Variants in SLIT3 observed in about 807,000 individuals in gnomAD.
The protein encoded by SLIT3 is slit guidance ligand 3.
Under a neutral mutation model 184.0 loss-of-function variants are expected in SLIT3, and 68 were observed. The ratio of observed to expected loss-of-function variants is 0.37; its 90% CI spans 0.30 to 0.45. The LOEUF (loss-of-function observed/expected upper bound fraction) is 0.45. Among genes scored for constraint, SLIT3 ranks in the 20% least tolerant of loss-of-function variants. SLIT3 has a pLI of 1.00. For synonymous variants in SLIT3, 831 were observed against 828.6 expected (o/e 1.00, Z -0.05); for missense variants, 1,707 against 2,026.0 (o/e 0.84, Z 3.02).
At chr5:168,751,683 G>A (rs1465412435) in intron 18 of SLIT3, among the ~76,000 whole-genome samples, 1 of 151,688 alleles carries the variant, frequency 6.6e-6, no homozygotes, top group African/African-American at 2.4e-5. Flanking sequence ...AGAAAGCTGG[G>A]TTCTAATTCT....
chr5:168,901,775 C>T (rs984926375), intron 4 of SLIT3, among the ~76,000 whole-genome samples: 1 of 152,156 alleles, frequency 6.6e-6, no homozygotes, highest in Admixed American at 6.5e-5. Flanking sequence ...GAGGGCAGGG[C>T]GTGAGGGAAG....
chr5:169,148,125 C>T (rs931435817), intron 4 of SLIT3, among the ~76,000 whole-genome samples: 2 of 152,190 alleles, frequency 1.3e-5, no homozygotes, highest in African/African-American at 4.8e-5. Flanking sequence ...CATGCAGCTC[C>T]AAGTCCTTCC....
chr5:169,066,947 A>G (rs1350947136), intron 4 of SLIT3, among the ~76,000 whole-genome samples: 1 of 150,614 alleles, frequency 6.6e-6, no homozygotes, highest in African/African-American at 2.4e-5. Flanking sequence ...TTCCTGAAAA[A>G]AAAAAAAAAA....
chr5:168,891,483 A>T (rs1287663858), intron 4 of SLIT3, among the ~76,000 whole-genome samples: 1 of 152,156 alleles, frequency 6.6e-6, no homozygotes, highest in East Asian at 1.9e-4. Context: ...GGATTAGGAC[A>T]TTCCTGGTAA....
At chr5:169,156,318 T>C (rs1304603522) in intron 4 of SLIT3, among the ~76,000 whole-genome samples, 2 of 152,222 alleles carry the variant, frequency 1.3e-5, no homozygotes, top group Non-Finnish European at 2.9e-5. Flanking sequence ...AAAGCCACAG[T>C]GTACATGCAC....
At chr5:168,724,965 C>T (rs1159784899) in intron 20 of SLIT3, among the ~76,000 whole-genome samples, 1 of 152,154 alleles carries the variant, frequency 6.6e-6, no homozygotes, top group Non-Finnish European at 1.5e-5. Context: ...AGTCTTACCA[C>T]AATTCCACAC....
At chr5:168,949,234 C>T (rs1762574520) in intron 4 of SLIT3, among the ~76,000 whole-genome samples, 1 of 152,222 alleles carries the variant, frequency 6.6e-6, no homozygotes, top group Non-Finnish European at 1.5e-5. Context: ...CTAAGCTTCC[C>T]TTCCAGTAAG....
intron 34 of SLIT3, among the ~76,000 whole-genome samples, chr5:168,670,580 C>A (rs779726171): frequency 6.6e-6 from 1 of 152,200 alleles, no homozygotes; most frequent in Non-Finnish European, 1.5e-5. Context: ...CAAACACACA[C>A]ACACATATGC....
At chr5:168,958,909 T>C (rs1170656787) in intron 4 of SLIT3, among the ~76,000 whole-genome samples, 1 of 152,258 alleles carries the variant, frequency 6.6e-6, no homozygotes, top group Non-Finnish European at 1.5e-5. Flanking sequence ...ATGAGTGGTA[T>C]GGTACCCCTT....
Position 169,091,399 on chromosome 5 carries a change from G to C in SLIT3, c.413+102080C>G, listed in dbSNP as rs1462266506. Among the ~76,000 whole-genome samples the C allele has an allele frequency of 3.3e-5, 5 of 152,042 alleles. No homozygotes were observed. In the Admixed American group the frequency reaches 3.3e-4, roughly 10 times the overall value. On this transcript the variant is annotated intron_variant, in intron 4 of 35. Coordinates refer to ENST00000519560, the MANE Select transcript of SLIT3 (RefSeq NM_003062.4). ...TTCAACCTGTAATTCCTGACAATAA[G>C]GGGGAGCCATGGAGAAAAAGACACC...
chr5:169,152,169 G>C (rs975349119), intron 4 of SLIT3, among the ~76,000 whole-genome samples: 10 of 152,164 alleles, frequency 6.6e-5, no homozygotes, highest in Non-Finnish European at 1.3e-4. Context: ...AAGTCAGGGG[G>C]CCTTGGCTCA....
At chr5:168,775,227 G>C (rs1265488661) in intron 12 of SLIT3, among the ~76,000 whole-genome samples, 1 of 151,664 alleles carries the variant, frequency 6.6e-6, no homozygotes, top group African/African-American at 2.4e-5. Context: ...TAGTAGAGAC[G>C]GGGTTTCACC....
chr5:169,222,951 G>A (rs983623370), intron 3 of SLIT3, among the ~76,000 whole-genome samples: 1 of 152,148 alleles, frequency 6.6e-6, no homozygotes, highest in South Asian at 2.1e-4. Context: ...GGCCAAAACC[G>A]AATGGGAAGG....
At chr5:168,708,253 C>T in intron 25 of SLIT3, 153 bp from the exon 26 acceptor site, 1 of 940,260 alleles carries the variant, frequency 1.1e-6, no homozygotes, top group South Asian at 1.6e-5. Flanking sequence ...GCCAGCACAT[C>T]CAGTCCAGCT....
At chr5:169,281,289 C>T (rs112751821) in intron 1 of SLIT3, among the ~76,000 whole-genome samples, 9,283 of 152,232 alleles carry the variant, frequency 0.061, 416 homozygotes, top group Non-Finnish European at 0.099. Context: ...CCATCCTGGC[C>T]AACATGGTGA....
intron 4 of SLIT3, among the ~76,000 whole-genome samples, chr5:168,916,083 A>T (rs1013958674): frequency 6.6e-6 from 1 of 152,268 alleles, no homozygotes; most frequent in Non-Finnish European, 1.5e-5. Context: ...AGAATAAAGT[A>T]TAACAATGTC....
chr5:168,895,156 A>C (rs899533518), intron 4 of SLIT3, among the ~76,000 whole-genome samples: 1 of 152,178 alleles, frequency 6.6e-6, no homozygotes, highest in Admixed American at 6.5e-5. Flanking sequence ...CCCCACTGTA[A>C]CCTTAAATGT....
chr5:168,672,378 G>A (rs115714452), intron 33 of SLIT3, among the ~76,000 whole-genome samples: 97 of 152,360 alleles, frequency 6.4e-4, no homozygotes, highest in African/African-American at 2.2e-3. Context: ...TGAACGAGCA[G>A]TTTTGGTAGC....
intron 5 of SLIT3, among the ~76,000 whole-genome samples, chr5:168,875,198 GAGAA>G (rs1280306676): frequency 7.6e-6 from 1 of 131,756 alleles, no homozygotes; most frequent in Non-Finnish European, 1.6e-5. Context: ...AGGGGGAAGA[GAGAA>G]AGGGGGGAAG....
Sources: allele counts gnomAD v4.1 joint callset (sites outside exome capture counted in the v4.1 genomes callset), GRCh38; gene constraint gnomAD v4.1.1; transcripts MANE v1.5; gene names NCBI Gene and HGNC (gene_info 2026-07-23, HGNC 2026-07-21).